Variants in E2F7 observed in about 807,000 individuals in gnomAD.
The protein encoded by E2F7 is E2F transcription factor 7, also known as transcription factor E2F7.
A neutral mutation model predicts 81.1 loss-of-function variants in E2F7; 35 were observed. That is an observed-to-expected ratio of 0.43 (90% CI 0.33 to 0.57). The LOEUF is 0.57. E2F7 is among the 20% of genes least tolerant of loss of function. The pLI is 0.04. For missense variants in E2F7, 961 were observed against 1,093.7 expected, an observed-to-expected ratio of 0.88 and a Z score of 1.71; for synonymous variants, 416 against 416.2, an observed-to-expected ratio of 1.00 and a Z score of 0.01.
At chr12:77,047,008 T>C (rs1954948867) in intron 4 of E2F7, among the ~76,000 whole-genome samples, 1 of 152,174 alleles carries the variant, frequency 6.6e-6, no homozygotes, top group Non-Finnish European at 1.5e-5. Flanking sequence ...ATCATGGCTA[T>C]AGACAATTCT....
intron 2 of E2F7, among the ~76,000 whole-genome samples, chr12:77,063,334 G>A (rs989547071): frequency 6.6e-6 from 1 of 152,168 alleles, no homozygotes; most frequent in Non-Finnish European, 1.5e-5. Flanking sequence ...AGGTTGCTAA[G>A]ATCTACTGTA....
chr12:77,039,661 G>C (rs746535904), intron 7 of E2F7, among the ~76,000 whole-genome samples: 39 of 152,280 alleles, frequency 2.6e-4, no homozygotes, highest in Non-Finnish European at 2.6e-4. Flanking sequence ...ACCATATCAA[G>C]TTTTGGCAAG....
chr12:77,064,486 G>A (rs1955101956), intron 2 of E2F7, 57 bp downstream of exon 2: 24 of 1,386,328 alleles, frequency 1.7e-5, no homozygotes, highest in Admixed American at 5.2e-5. Context: ...ACACTTAATT[G>A]AATTCAACAT....
Position 77,033,038 on chromosome 12 carries a change from T to A in E2F7, c.1382+12A>T, listed in dbSNP as rs577144804. 3.7e-4 allele frequency: 595 copies of A among 1,610,162 alleles called. 15 individuals are homozygous for A. The Middle Eastern group carries it at 5.6e-3, about 15-fold the overall frequency. The stretch of plus-strand genomic sequence containing the variant: ...GAAAAGAATACACTCTGAGCTTTTA[T>A]AGACTACTTACTGTGAATTGTCTTC... On this transcript the variant is annotated intron_variant, in intron 9 of 12. Coordinates refer to ENST00000322886, the MANE Select transcript of E2F7 (RefSeq NM_203394.3).
intron 12 of E2F7, 95 bp downstream of exon 12, chr12:77,025,463 G>A (rs1954749418): frequency 1.4e-6 from 2 of 1,399,222 alleles, no homozygotes; most frequent in African/African-American, 2.9e-5. Flanking sequence ...CTGACCTAGT[G>A]CCTCTGTCCG....
intron 2 of E2F7, among the ~76,000 whole-genome samples, chr12:77,058,119 A>C (rs2120751777): frequency 6.6e-6 from 1 of 152,304 alleles, no homozygotes; most frequent in Non-Finnish European, 1.5e-5. Flanking sequence ...TACTACAGTA[A>C]GTACTCGGCC....
At chr12:77,037,284 T>C (rs2120668115) in intron 7 of E2F7, among the ~76,000 whole-genome samples, 1 of 152,178 alleles carries the variant, frequency 6.6e-6, no homozygotes, top group Admixed American at 6.5e-5. Flanking sequence ...CTTATTAAAG[T>C]TTCTTCAAAA....
At chr12:77,057,222 A>C (rs1197925269) in intron 2 of E2F7, among the ~76,000 whole-genome samples, 2 of 151,716 alleles carry the variant, frequency 1.3e-5, no homozygotes, top group African/African-American at 4.8e-5. Flanking sequence ...AGTGGTGTGC[A>C]CACCACTGCA....
At chr12:77,043,303 G>A (rs913430652) in intron 6 of E2F7, 104 bp from the exon 7 acceptor site, 1 of 1,501,528 alleles carries the variant, frequency 6.7e-7, no homozygotes, top group African/African-American at 1.4e-5. Context: ...AACCTCAGGT[G>A]GAAAGCAGCA....
At chr12:77,037,516 G>C (rs377339218) in intron 7 of E2F7, among the ~76,000 whole-genome samples, 1 of 152,168 alleles carries the variant, frequency 6.6e-6, no homozygotes, top group Non-Finnish European at 1.5e-5. Flanking sequence ...TGGCACAAAG[G>C]CCAGGCAGGG....
chr12:77,033,368 C>A (rs540030092), intron 8 of E2F7, among the ~76,000 whole-genome samples: 4 of 151,944 alleles, frequency 2.6e-5, no homozygotes, highest in African/African-American at 9.7e-5. Context: ...AAAAATTAGC[C>A]AGGCATGGTG....
At chr12:77,033,363 T>G (rs1954821751) in intron 8 of E2F7, among the ~76,000 whole-genome samples, 1 of 151,898 alleles carries the variant, frequency 6.6e-6, no homozygotes, top group African/African-American at 2.4e-5. Flanking sequence ...AAACGAAAAA[T>G]TAGCCAGGCA....
In E2F7 at chr12:77,024,195, GA is replaced by G. The variant is rs200276661; in HGVS notation, c.2566-11del. The G allele has an allele frequency of 0.03, 48,571 of 1,602,842 alleles. 861 individuals carry two copies. The highest frequency in any genetic ancestry group is 0.035 in the Non-Finnish European group (41,685 of 1,176,858). On this transcript the variant is annotated splice_polypyrimidine_tract_variant and intron_variant, in intron 12 of 12. Coordinates refer to ENST00000322886, the MANE Select transcript of E2F7 (RefSeq NM_203394.3). ...TCACTGGAACTGGTGACTGAAAAAAGAAAAAAGAAAAAACAGAAGTGAAGTC... is the reference window on the plus strand; with the variant it reads ...TCACTGGAACTGGTGACTGAAAAAAGAAAAAGAAAAAACAGAAGTGAAGTC...
intron 7 of E2F7, among the ~76,000 whole-genome samples, chr12:77,038,993 C>T (rs184097420): frequency 6.6e-6 from 1 of 152,254 alleles, no homozygotes; most frequent in Admixed American, 6.5e-5. Context: ...TTTTAAGAGG[C>T]CAGTATTAGC....
In E2F7 at chr12:77,023,197, T is replaced by C. The variant is rs944898262; in HGVS notation, c.*818A>G. On this transcript the variant is annotated 3_prime_UTR_variant, in exon 13 of 13. Transcript: ENST00000322886. ...ATGTAGTGAAGGAAACTGGGCACAG[T>C]AGGATTTTTAGAAACAAACAGTAAT... 1 of 152,482 alleles carries C rather than the reference T, an allele frequency of 6.6e-6. No individual in the cohort carries two copies. The highest frequency in any genetic ancestry group is 2.4e-5 in the African/African-American group (1 of 41,440). The allele number at this position is 152,482 out of a possible 1,614,324, so 9.4% of individuals were successfully genotyped here. A position where few individuals can be genotyped will look rare whatever the true frequency, so the allele number is the denominator to read the frequency against.
At chr12:77,056,176 A>G in intron 2 of E2F7, 46 bp from the exon 3 acceptor site, 1 of 1,526,400 alleles carries the variant, frequency 6.6e-7, no homozygotes, top group African/African-American at 1.4e-5. Context: ...AAGGGCAGGT[A>G]TCAGCTAAGA....
chr12:77,050,329 CTTAT>C (rs1422559084), intron 4 of E2F7, among the ~76,000 whole-genome samples: 1 of 152,094 alleles, frequency 6.6e-6, no homozygotes, highest in Non-Finnish European at 1.5e-5. Flanking sequence ...AAAAATATTA[CTTAT>C]TATAGAAATA....
rs1954792823 is a variant in E2F7 at position 77,030,057 on chromosome 12, G to A, written c.1658C>T (p.Ser553Leu). The A allele has an allele frequency of 6.2e-7, 1 of 1,614,186 alleles. No individual in the cohort carries two copies. The highest frequency in any genetic ancestry group is 2.2e-5 in the East Asian group (1 of 44,864). The change falls in exon 10 of 13, where the codon TCA becomes TTA. Residue 553 changes from serine to leucine, a missense_variant. Ser to Leu is a moderately radical substitution (Grantham distance 145). Coordinates refer to ENST00000322886, the MANE Select transcript of E2F7 (RefSeq NM_203394.3). ...GQPLVYVPSASLFMLYGSLQE... is the reference protein window; with the variant it reads ...GQPLVYVPSALLFMLYGSLQE... ...CAGACTTCCATACAGCATGAACAGT[G>A]AGGCAGAGGGCACATACACTAGAGG...
chr12:77,055,975 G>A lies in E2F7; in HGVS notation c.249C>T (p.Pro83=). Residue 83 remains proline, a synonymous_variant, in exon 3 of 13, where the codon CCC becomes CCT. Coordinates refer to ENST00000322886, the MANE Select transcript of E2F7 (RefSeq NM_203394.3). ...VDRQQAEPWT[P]TANLKMLISA... The stretch of plus-strand genomic sequence containing the variant: ...TAATGAGCATCTTCAGGTTAGCTGT[G>A]GGTGTCCATGGTTCCGCTTGCTGTC... 1 of 1,614,126 alleles carries A rather than the reference G, an allele frequency of 6.2e-7. No homozygotes were observed. Among genetic ancestry groups the A allele is most frequent in the Non-Finnish European group, 8.5e-7 (1 of 1,180,024 alleles).
Sources: allele counts gnomAD v4.1 joint callset (sites outside exome capture counted in the v4.1 genomes callset), GRCh38; gene constraint gnomAD v4.1.1; transcripts MANE v1.5; gene names NCBI Gene and HGNC (gene_info 2026-07-23, HGNC 2026-07-21).